ACR: variants seen among roughly 807,000 people sequenced by gnomAD.
ACR encodes the protein acrosin light and heavy chain prepropeptide.
ACR carries 17 observed loss-of-function variants against 26.0 expected under a neutral mutation model. That is an observed-to-expected ratio of 0.65 (90% CI 0.45 to 0.98). ACR has a LOEUF of 0.98. Ranked by LOEUF, ACR falls within the 50% of genes least tolerant of loss-of-function variation. The pLI is 0.00. For synonymous variants in ACR, 199 were observed against 207.7 expected, an observed-to-expected ratio of 0.96 and a Z score of 0.36; for missense variants, 435 against 519.3, an observed-to-expected ratio of 0.84 and a Z score of 1.58.
chr22:50,742,977 G>T (rs1435182248), intron 3 of ACR, among the ~76,000 whole-genome samples: 1 of 152,078 alleles, frequency 6.6e-6, no homozygotes, highest in Admixed American at 6.6e-5. Flanking sequence ...CAACGCTGGC[G>T]CATGCGCCGT....
intron 3 of ACR, chr22:50,740,203 C>A (rs543789048): frequency 3.0e-6 from 2 of 661,826 alleles, no homozygotes; most frequent in Non-Finnish European, 2.7e-6. Context: ...GCAGGCAGAG[C>A]GCAGCGTTGC....
At position 50,739,388 on chromosome 22, in the gene ACR, C is replaced by G; in HGVS notation, c.195C>G (p.Tyr65Ter). Residue 65 changes from tyrosine to a stop codon, truncating the protein, a stop_gained, in exon 2 of 5, where the codon TAC becomes TAG. Transcript: ENST00000216139. LOFTEE classifies it high-confidence loss of function. This position sits in a 1 kb window ranked among gnomAD's most constrained non-coding sequence, Gnocchi z 5.5. Reference sequence around the variant, plus strand: ...TGGTCAGCCTCCAGATCTTCACGTACAACAGCCACAGGTACCACACATGTG... The same window carrying G: ...TGGTCAGCCTCCAGATCTTCACGTAGAACAGCCACAGGTACCACACATGTG... Reference protein sequence around the residue: ...PWMVSLQIFTYNSHRYHTCGG... With the variant: ...PWMVSLQIFT 1 of 1,614,092 alleles carries G rather than the reference C, an allele frequency of 6.2e-7. No homozygotes were observed. Among genetic ancestry groups the G allele is most frequent in the South Asian group, 1.1e-5 (1 of 91,062 alleles).
In ACR at chr22:50,739,847, C is replaced by G. The variant is rs756365879; in HGVS notation, c.435C>G (p.Leu145=). Residue 145 remains leucine (L), a synonymous_variant, in exon 3 of 5, where the codon CTC becomes CTG. Transcript: ENST00000216139. The surrounding 1 kb of genome is among the most constrained non-coding windows in gnomAD (Gnocchi z 5.5). ...NSATEGNDIA[L]VEITPPISCG... ...CGACAGAGGGAAATGACATTGCCCT[C>G]GTGGAGATCACCCCTCCCATTTCGT... The G allele has an allele frequency of 1.2e-6, 2 of 1,612,096 alleles. No individual in the cohort carries two copies. Among genetic ancestry groups the G allele is most frequent in the Middle Eastern group, 1.7e-4 (1 of 6,046 alleles).
intron 3 of ACR, chr22:50,740,249 C>T (rs1306232660): frequency 5.1e-6 from 3 of 584,102 alleles, no homozygotes; most frequent in African/African-American, 1.9e-5. Flanking sequence ...GTATTTGGCA[C>T]CTGGGGCCCA....
intron 3 of ACR, among the ~76,000 whole-genome samples, chr22:50,741,102 T>C (rs2083423040): frequency 6.6e-6 from 1 of 152,234 alleles, no homozygotes; most frequent in African/African-American, 2.4e-5. Flanking sequence ...GGCTTCTTAA[T>C]TCAAGGCAAT....
In ACR at chr22:50,742,553, A is replaced by C. The variant is rs1333633085; in HGVS notation, c.566-1508A>C. Among the ~76,000 whole-genome samples, 3 of 152,020 alleles carry C rather than the reference A, an allele frequency of 2.0e-5. No homozygotes were observed. The East Asian group carries it at 5.8e-4, about 29-fold the overall frequency. ...AGCAAGACTCCGTCTCAAAAAAAAA[A>C]AAAAAAAAAATCGTCTTAATGGCTA... On this transcript the variant is annotated intron_variant, in intron 3 of 4. Coordinates refer to ENST00000216139, the MANE Select transcript of ACR (RefSeq NM_001097.3).
intron 4 of ACR, 32 bp downstream of exon 4, chr22:50,744,238 G>A (rs1367872231): frequency 2.5e-6 from 4 of 1,581,096 alleles, no homozygotes; most frequent in African/African-American, 1.4e-5. Context: ...GGGCCCCTGG[G>A]TCCCTCCAGG....
At chr22:50,743,179 G>T (rs1187746292) in intron 3 of ACR, among the ~76,000 whole-genome samples, 1 of 150,176 alleles carries the variant, frequency 6.7e-6, no homozygotes, top group Non-Finnish European at 1.5e-5. Flanking sequence ...GGGACTACAG[G>T]CGCCCGCCAC....
At chr22:50,741,828 T>C (rs1222017902) in intron 3 of ACR, among the ~76,000 whole-genome samples, 2 of 151,260 alleles carry the variant, frequency 1.3e-5, no homozygotes, top group African/African-American at 2.4e-5. Flanking sequence ...TTTAAGCATT[T>C]GTTATTTAAA....
chr22:50,742,632 AGT>A (rs2083430135), intron 3 of ACR, among the ~76,000 whole-genome samples: 1 of 152,014 alleles, frequency 6.6e-6, no homozygotes, highest in Non-Finnish European at 1.5e-5. Context: ...CCCCAAGGGC[AGT>A]GCATGTACAA....
rs1356702197 is a variant in ACR at position 50,739,015 on chromosome 22, A to G, written c.78-256A>G. On this transcript the variant is annotated intron_variant, in intron 1 of 4. Transcript: ENST00000216139. This position sits in a 1 kb window ranked among gnomAD's most constrained non-coding sequence, Gnocchi z 5.5. The stretch of plus-strand genomic sequence containing the variant: ...ACGGGCCATCCCTCAGGGCCCATGC[A>G]GCCTGTCCTGGCTTCCTATGGCCTC... Among the ~76,000 whole-genome samples, 2 of 152,128 alleles carry G rather than the reference A, an allele frequency of 1.3e-5. No individual in the cohort carries two copies. Among genetic ancestry groups the G allele is most frequent in the Non-Finnish European group, 2.9e-5 (2 of 68,022 alleles).
At chr22:50,743,061 A>C in intron 3 of ACR, among the ~76,000 whole-genome samples, 1 of 151,922 alleles carries the variant, frequency 6.6e-6, no homozygotes, top group Admixed American at 6.6e-5. Context: ...TTTGAGACGG[A>C]GTCTCGCTCT....
chr22:50,739,036 GCCT>G lies in ACR; in HGVS notation c.78-230_78-228del, dbSNP rs2146852409. On this transcript the variant is annotated intron_variant, in intron 1 of 4. Transcript: ENST00000216139. The surrounding 1 kb of genome is among the most constrained non-coding windows in gnomAD (Gnocchi z 5.5). ...ATGCAGCCTGTCCTGGCTTCCTATG[GCCT>G]CCTCTTTCTCCATCTGTGACTGCAC... Among the ~76,000 whole-genome samples the G allele has an allele frequency of 6.6e-6, 1 of 152,284 alleles. No homozygotes were observed. The highest frequency in any genetic ancestry group is 2.1e-4 in the South Asian group (1 of 4,820).
Position 50,743,272 on chromosome 22 carries a change from T to A in ACR, c.566-789T>A, listed in dbSNP as rs1488058139. ...GGATGGTCTCGAACTCCTGACCTCG[T>A]GATCCGCCCGCCTCGGCCTCCCAAA... On this transcript the variant is annotated intron_variant, in intron 3 of 4. Coordinates refer to ENST00000216139, the MANE Select transcript of ACR (RefSeq NM_001097.3). Among the ~76,000 whole-genome samples, 3 of 152,202 alleles carry A rather than the reference T, an allele frequency of 2.0e-5. No individual in the cohort carries two copies. In the East Asian group the frequency reaches 5.8e-4, roughly 29 times the overall value.
In ACR at chr22:50,740,907, G is replaced by T. The variant is rs2083422321; in HGVS notation, c.565+930G>T. ...CCAGACACCTCTCCCTACATACTTA[G>T]GCACACTAGAGATACCATTTATCCC... On this transcript the variant is annotated intron_variant, in intron 3 of 4. Transcript: ENST00000216139. 7 of 568,716 alleles carry T rather than the reference G, an allele frequency of 1.2e-5. 1 individual carries two copies. The highest frequency in any genetic ancestry group is 1.2e-4 in the Admixed American group (4 of 32,986). 35.2% of individuals were successfully genotyped at this position (568,716 alleles called of 1,614,324 possible). A position where few individuals can be genotyped will look rare whatever the true frequency, so the allele number is the denominator to read the frequency against.
intron 3 of ACR, chr22:50,740,510 C>T (rs148192955): frequency 4.4e-6 from 3 of 681,940 alleles, no homozygotes; most frequent in Non-Finnish European, 8.0e-6. Context: ...GCAGTCATAG[C>T]ACCAAATCTA....
At position 50,738,206 on chromosome 22, in the gene ACR, TA is replaced by T; in HGVS notation, c.-29del. 6.2e-7 allele frequency: 1 copy of T among 1,612,570 alleles called. No homozygotes were observed. Among genetic ancestry groups the T allele is most frequent in the South Asian group, 1.1e-5 (1 of 91,054 alleles). The stretch of plus-strand genomic sequence containing the variant: ...CAGCCACGGAGCTTTGTGAGGTCAC[TA>T]GGCTTGCAGGCCAGGCAGTGCCAGG... On this transcript the variant is annotated 5_prime_UTR_variant, in exon 1 of 5. Coordinates refer to ENST00000216139, the MANE Select transcript of ACR (RefSeq NM_001097.3).
chr22:50,738,444 A>G lies in ACR; in HGVS notation c.77+132A>G, dbSNP rs1197545886. On this transcript the variant is annotated intron_variant, in intron 1 of 4. Transcript: ENST00000216139. ...GACCCCCCCTGCTCCCAGAATCAGCAGCCTGGAGCCCCCAGACCCTCAGCT... is the reference window on the plus strand; with the variant it reads ...GACCCCCCCTGCTCCCAGAATCAGCGGCCTGGAGCCCCCAGACCCTCAGCT... 4.6e-6 allele frequency: 4 copies of G among 878,900 alleles called. No individual in the cohort carries two copies. The Admixed American group carries it at 6.7e-5, about 15-fold the overall frequency. The allele number at this position is 878,900 out of a possible 1,614,324, so 54.4% of individuals were successfully genotyped here.
chr22:50,743,058 CGG>C (rs2083432325), intron 3 of ACR, among the ~76,000 whole-genome samples: 3 of 152,188 alleles, frequency 2.0e-5, no homozygotes, highest in East Asian at 3.9e-4. Flanking sequence ...TTGTTTGAGA[CGG>C]AGTCTCGCTC....
Sources: allele counts gnomAD v4.1 joint callset (sites outside exome capture counted in the v4.1 genomes callset), GRCh38; gene constraint gnomAD v4.1.1; non-coding constraint Gnocchi (gnomAD v3.1); transcripts MANE v1.5; gene names NCBI Gene and HGNC (gene_info 2026-07-23, HGNC 2026-07-21).